The following GNL2 variants were observed in gnomAD, a reference collection of about 807,000 sequenced individuals.
GNL2 encodes the protein G protein nucleolar 2, also known as nucleolar GTP-binding protein 2.
In GNL2, 51 loss-of-function variants were observed where a neutral mutation model predicts 92.3. That is an observed-to-expected ratio of 0.55 (90% confidence interval 0.44 to 0.70). The LOEUF (loss-of-function observed/expected upper bound fraction) is 0.70. GNL2 is among the 30% of genes least tolerant of loss of function. The pLI is 0.00. For synonymous variants in GNL2, 283 were observed against 300.6 expected, an observed-to-expected ratio of 0.94 and a Z score of 0.61; for missense variants, 844 against 895.6, an observed-to-expected ratio of 0.94 and a Z score of 0.74.
intron 12 of GNL2, chr1:37,569,629 G>T: frequency 4.2e-6 from 1 of 238,630 alleles, no homozygotes; most frequent in Non-Finnish European, 8.2e-6. Flanking sequence ...ATAAGCACAT[G>T]CAAAATCAGC....
At chr1:37,574,178 A>G (rs1254749476) in intron 12 of GNL2, among the ~76,000 whole-genome samples, 165 bp downstream of exon 12, 2 of 152,180 alleles carry the variant, frequency 1.3e-5, no homozygotes, top group Non-Finnish European at 2.9e-5. Flanking sequence ...GGCGTGAGCC[A>G]CCCATGCCCG....
chr1:37,567,918 G>A, intron 14 of GNL2, 154 bp from the exon 15 acceptor site: 1 of 629,092 alleles, frequency 1.6e-6, no homozygotes, highest in East Asian at 2.7e-5. Context: ...AGGGGAGGCT[G>A]CCAGGTAAAA....
chr1:37,578,615 C>T (rs111969326), intron 8 of GNL2, among the ~76,000 whole-genome samples: 84 of 151,712 alleles, frequency 5.5e-4, no homozygotes, highest in African/African-American at 1.5e-3. Flanking sequence ...TGAAGTACAG[C>T]GACACAATCA....
Position 37,574,372 on chromosome 1 carries a change from G to T in GNL2, c.1387C>A (p.Pro463Thr). The change falls in exon 12 of 16, where the codon CCC becomes ACC. Residue 463 changes from proline (P) to threonine (T), a missense_variant. Pro to Thr is a conservative substitution (Grantham distance 38). Transcript: ENST00000373062. ...RGRIPFFVKPPNAEPLVAPQL... is the reference protein window; with the variant it reads ...RGRIPFFVKPTNAEPLVAPQL... The stretch of plus-strand genomic sequence containing the variant: ...GGGGCCACAAGTGGCTCTGCATTGG[G>T]TGGCTTGACAAAGAAAGGAATCCGG... 6.2e-7 allele frequency: 1 copy of T among 1,614,052 alleles called. No homozygotes were observed. Among genetic ancestry groups the T allele is most frequent in the Non-Finnish European group, 8.5e-7 (1 of 1,179,976 alleles).
rs1570079036 is a variant in GNL2, at chr1:37,595,893, G to T, written c.-71C>A. Reference sequence around the variant, plus strand: ...GTGAAACAAACTTTTATGTTCCCAAGCCCGGCCGAAGACACCCGCCTGAAC... The same window carrying T: ...GTGAAACAAACTTTTATGTTCCCAATCCCGGCCGAAGACACCCGCCTGAAC... On this transcript the variant is annotated 5_prime_UTR_variant, in exon 1 of 16. Transcript: ENST00000373062. 7.2e-7 allele frequency: 1 copy of T among 1,386,226 alleles called. No individual in the cohort carries two copies. The highest frequency in any genetic ancestry group is 1.0e-6 in the Non-Finnish European group (1 of 975,826). 85.9% of individuals were successfully genotyped at this position (1,386,226 alleles called of 1,614,324 possible).
intron 7 of GNL2, among the ~76,000 whole-genome samples, 162 bp from the exon 8 acceptor site, chr1:37,582,498 A>G (rs1643786273): frequency 6.6e-6 from 1 of 152,242 alleles, no homozygotes; most frequent in Non-Finnish European, 1.5e-5. Context: ...ATAACAGTTA[A>G]TGCTTTGTTC....
In GNL2 at chr1:37,593,816, A is replaced by G. The variant is rs376739415; in HGVS notation, c.95T>C (p.Met32Thr). The change falls in exon 2 of 16, where the codon ATG becomes ACG. Residue 32 changes from methionine (M) to threonine (T), a missense_variant. Physicochemically the swap from Met to Thr is moderately conservative, Grantham distance 81 (BLOSUM62 -1). Transcript: ENST00000373062. ...GCGCCGGATGGTGGCCCGGTCCCTC[A>G]TGTTTTGGCCTCCTGCTCCCTGCAC... ...DRVQGAGGQNMRDRATIRRLN... is the reference protein window; with the variant it reads ...DRVQGAGGQNTRDRATIRRLN... 6 of 1,613,942 alleles carry G rather than the reference A, an allele frequency of 3.7e-6. No individual in the cohort carries two copies. In the African/African-American group the frequency reaches 6.7e-5, roughly 18 times the overall value.
In GNL2 at chr1:37,578,854, C is replaced by T. The variant is rs187859574; in HGVS notation, c.910-2298G>A. On this transcript the variant is annotated intron_variant, in intron 8 of 15. Transcript: ENST00000373062. ...GGATTATAGGCATGAGCCACTCTAC[C>T]TGGCCTAATGCCTTACTCTTAAATA... is the stretch of plus-strand genomic sequence containing the variant. Among the ~76,000 whole-genome samples the T allele has an allele frequency of 2.6e-5, 4 of 152,290 alleles. No homozygotes were observed. The East Asian group carries it at 5.8e-4, about 22-fold the overall frequency.
In GNL2 at chr1:37,575,933, G is replaced by T. The variant is rs1302912955; in HGVS notation, c.1039-234C>A. Among the ~76,000 whole-genome samples the T allele has an allele frequency of 1.3e-5, 2 of 152,154 alleles. No homozygotes were observed. Among genetic ancestry groups the T allele is most frequent in the Admixed American group, 1.3e-4 (2 of 15,268 alleles). On this transcript the variant is annotated intron_variant, in intron 9 of 15. Transcript: ENST00000373062. This position sits in a 1 kb window ranked among gnomAD's most constrained non-coding sequence, Gnocchi z 4.1. ...GAGTCTAAAAACAACACAGAGACAG[G>T]ATTTCCATCTCGTATTGTGCAATTA...
Position 37,568,993 on chromosome 1 carries a change from C to G in GNL2, c.1726G>C (p.Asp576His), listed in dbSNP as rs773846864. 2 of 1,614,066 alleles carry G rather than the reference C, an allele frequency of 1.2e-6. No homozygotes were observed. Among genetic ancestry groups the G allele is most frequent in the Non-Finnish European group, 1.7e-6 (2 of 1,180,036 alleles). Reference sequence around the variant, plus strand: ...GGCTCCGAGGAAGACTCTTCCGCATCATCTCTTTGTTGCTCCTGTTCCTCC... The same window carrying G: ...GGCTCCGAGGAAGACTCTTCCGCATGATCTCTTTGTTGCTCCTGTTCCTCC... ...EEEEQEQQRD[D>H]AEESSSEPEE... is the part of the protein sequence containing the mutation. The change falls in exon 13 of 16, where the codon GAT becomes CAT. Residue 576 changes from aspartate to histidine, a missense_variant. Asp to His is a moderately conservative substitution (Grantham distance 81). Transcript: ENST00000373062.
intron 7 of GNL2, 45 bp from the exon 8 acceptor site, chr1:37,582,381 A>G: frequency 9.0e-7 from 1 of 1,108,756 alleles, no homozygotes; most frequent in Non-Finnish European, 1.3e-6. Context: ...CAGTACATTT[A>G]TTTACATTAT....
rs1643528818 is a variant in GNL2 at position 37,567,710 on chromosome 1, T to A, written c.2006A>T (p.His669Leu). The change falls in exon 15 of 16, where the codon CAT becomes CTT. Residue 669 changes from histidine to leucine, a missense_variant. By Grantham distance (99) the His-to-Leu change is moderately conservative (BLOSUM62 -3). Transcript: ENST00000373062. Reference sequence around the variant, plus strand: ...AAGCGCCCTGGGAGCTTTATTTGAATGTTCCTGTTCCTCTTCCCTTTGTGC... The same window carrying A: ...AAGCGCCCTGGGAGCTTTATTTGAAAGTTCCTGTTCCTCTTCCCTTTGTGC... ...RKAQREEEQEHSNKAPRALTS... is the reference protein window; with the variant it reads ...RKAQREEEQELSNKAPRALTS... 1 of 1,613,974 alleles carries A rather than the reference T, an allele frequency of 6.2e-7. No homozygotes were observed. The highest frequency in any genetic ancestry group is 1.3e-5 in the African/African-American group (1 of 75,074).
At chr1:37,585,700 T>G (rs933896142) in intron 5 of GNL2, among the ~76,000 whole-genome samples, 4 of 152,132 alleles carry the variant, frequency 2.6e-5, no homozygotes, top group Admixed American at 2.6e-4. Context: ...ACTCACTGCC[T>G]CTTTTTGCTT....
chr1:37,583,074 C>T, intron 6 of GNL2, 138 bp from the exon 7 acceptor site: 1 of 529,330 alleles, frequency 1.9e-6, no homozygotes, highest in Non-Finnish European at 3.2e-6. Context: ...TTCGTTGTGG[C>T]TAATCTCAAG....
intron 4 of GNL2, among the ~76,000 whole-genome samples, chr1:37,587,857 C>T (rs11583122): frequency 0.051 from 7,738 of 152,224 alleles, 286 homozygotes; most frequent in Non-Finnish European, 0.077. Context: ...TTAATCTTTT[C>T]CACCATTTTT....
At chr1:37,588,666 A>G (rs1293966711) in intron 4 of GNL2, among the ~76,000 whole-genome samples, 1 of 152,172 alleles carries the variant, frequency 6.6e-6, no homozygotes, top group African/African-American at 2.4e-5. Context: ...TAGTAAGTAT[A>G]ACACAGTAAT....
At chr1:37,582,663 G>A in intron 7 of GNL2, 115 bp downstream of exon 7, 2 of 898,584 alleles carry the variant, frequency 2.2e-6, no homozygotes, top group Middle Eastern at 3.2e-4. Context: ...TGTTTCCAAT[G>A]AGAGCACTCC....
chr1:37,582,971 A>G, intron 6 of GNL2, 35 bp from the exon 7 acceptor site: 1 of 1,490,408 alleles, frequency 6.7e-7, no homozygotes, highest in Non-Finnish European at 9.2e-7. Context: ...GGTTTGCTAC[A>G]GTACAAATAA....
intron 8 of GNL2, 67 bp downstream of exon 8, chr1:37,582,156 G>T: frequency 9.2e-7 from 1 of 1,082,904 alleles, no homozygotes; most frequent in Non-Finnish European, 1.4e-6. Flanking sequence ...CTATGCCATG[G>T]CAAGACAGAT....
Sources: gnomAD v4.1 joint callset for allele counts (sites outside exome capture counted in the v4.1 genomes callset) on GRCh38, gnomAD v4.1.1 for gene constraint, Gnocchi (gnomAD v3.1) non-coding constraint, MANE v1.5 for transcripts, NCBI Gene and HGNC (gene_info 2026-07-23, HGNC 2026-07-21) for gene names.